FSTL4: variants seen among roughly 807,000 people sequenced by gnomAD.
The protein encoded by FSTL4 is follistatin like 4.
A neutral mutation model predicts 78.2 loss-of-function variants in FSTL4; 28 were observed. That is an observed-to-expected ratio of 0.36 (90% CI 0.27 to 0.49). FSTL4 has a LOEUF of 0.49. FSTL4 is among the 20% of genes least tolerant of loss of function. The probability of loss-of-function intolerance (pLI) is 0.98; values close to 1 mark genes in which losing one functional copy is unlikely to be tolerated. For missense variants in FSTL4, 922 were observed against 1,084.9 expected, an observed-to-expected ratio of 0.85 and a Z score of 2.11; for synonymous variants, 422 against 440.5, an observed-to-expected ratio of 0.96 and a Z score of 0.53.
the FSTL4 span, among the ~76,000 whole-genome samples, chr5:133,802,556 A>G: frequency 2.0e-5 from 3 of 152,206 alleles, no homozygotes; most frequent in African/African-American, 7.2e-5. Flanking sequence ...CAGAGCTGGG[A>G]AAGGGCCTGG....
intron 4 of FSTL4, among the ~76,000 whole-genome samples, chr5:133,384,547 A>G (rs1479762272): frequency 2.0e-5 from 3 of 152,120 alleles, no homozygotes; most frequent in African/African-American, 7.2e-5. Context: ...AATTTTCACA[A>G]TCAGTGCCTG....
the FSTL4 span, among the ~76,000 whole-genome samples, chr5:133,801,461 G>A: frequency 6.6e-6 from 1 of 152,082 alleles, no homozygotes; most frequent in African/African-American, 2.4e-5. Flanking sequence ...AGACCAGTTG[G>A]CTTTACCTCT....
At chr5:133,252,987 A>G (rs192203702) in intron 6 of FSTL4, among the ~76,000 whole-genome samples, 56 of 152,344 alleles carry the variant, frequency 3.7e-4, no homozygotes, top group Admixed American at 3.3e-3. Flanking sequence ...TGATAGAACC[A>G]TCGTAGTTCT....
intron 6 of FSTL4, chr5:133,312,377 G>A: frequency 4.8e-6 from 2 of 417,718 alleles, no homozygotes; most frequent in Non-Finnish European, 8.6e-6. Flanking sequence ...TGTTCACAGT[G>A]CCCTCACAGC....
At chr5:133,517,731 C>T (rs1758894557) in intron 3 of FSTL4, among the ~76,000 whole-genome samples, 1 of 151,306 alleles carries the variant, frequency 6.6e-6, no homozygotes, top group Non-Finnish European at 1.5e-5. Context: ...GGTAGGCTGG[C>T]AGGCTAAAGT....
chr5:133,704,541 C>T, the FSTL4 span, among the ~76,000 whole-genome samples: 3,043 of 152,314 alleles, frequency 0.02, 57 homozygotes, highest in Non-Finnish European at 0.03. Context: ...CAAAGGGGCT[C>T]AAAGGCACCG....
At chr5:133,445,564 T>C (rs996454075) in intron 3 of FSTL4, among the ~76,000 whole-genome samples, 9 of 152,186 alleles carry the variant, frequency 5.9e-5, no homozygotes, top group Non-Finnish European at 1.0e-4. Flanking sequence ...CCAAGGATCC[T>C]TGTGGAACCT....
chr5:133,303,000 C>T (rs996870044), intron 6 of FSTL4, among the ~76,000 whole-genome samples: 3 of 152,214 alleles, frequency 2.0e-5, no homozygotes, highest in African/African-American at 2.4e-5. Flanking sequence ...CTTGTCCTCC[C>T]GCTGGAACAA....
At chr5:133,632,782 G>C in the FSTL4 span, among the ~76,000 whole-genome samples, 1 of 151,878 alleles carries the variant, frequency 6.6e-6, no homozygotes, top group African/African-American at 2.4e-5. Context: ...ACCTCCTGGG[G>C]CTTAAGCAAT....
intron 3 of FSTL4, among the ~76,000 whole-genome samples, chr5:133,475,278 T>C (rs1322262131): frequency 6.6e-6 from 1 of 152,218 alleles, no homozygotes; most frequent in East Asian, 1.9e-4. Context: ...AAAATGTCAT[T>C]TATAATTTAA....
chr5:133,327,135 A>G (rs1445439934), intron 4 of FSTL4, among the ~76,000 whole-genome samples: 2 of 152,224 alleles, frequency 1.3e-5, no homozygotes, highest in Non-Finnish European at 2.9e-5. Context: ...TTTCAACCAC[A>G]TAACACCAGG....
the FSTL4 span, among the ~76,000 whole-genome samples, chr5:133,815,577 T>C: frequency 1.3e-5 from 2 of 152,192 alleles, no homozygotes; most frequent in Non-Finnish European, 2.9e-5. Context: ...TGTGCCAGGG[T>C]TCGCACACTG....
the FSTL4 span, among the ~76,000 whole-genome samples, chr5:133,741,867 C>T: frequency 6.6e-6 from 1 of 152,190 alleles, no homozygotes; most frequent in African/African-American, 2.4e-5. Context: ...GGAGATGTTT[C>T]TATCCTCAAG....
chr5:133,800,338 G>T, the FSTL4 span, among the ~76,000 whole-genome samples: 96 of 137,990 alleles, frequency 7.0e-4, 16 homozygotes, highest in African/African-American at 2.4e-3. Context: ...TTAGGGCAGG[G>T]GTATCCAATC....
the FSTL4 span, among the ~76,000 whole-genome samples, chr5:133,806,059 A>C: frequency 6.6e-6 from 1 of 152,024 alleles, no homozygotes; most frequent in South Asian, 2.1e-4. Flanking sequence ...CTTTTCTTTT[A>C]TTTTCTATTC....
intron 7 of FSTL4, among the ~76,000 whole-genome samples, chr5:133,237,363 T>A (rs1462003123): frequency 6.6e-6 from 1 of 152,112 alleles, no homozygotes; most frequent in Non-Finnish European, 1.5e-5. Context: ...TCCAACACAG[T>A]CATTTAACCT....
intron 3 of FSTL4, among the ~76,000 whole-genome samples, chr5:133,565,377 G>A (rs546299561): frequency 2.3e-4 from 35 of 152,208 alleles, no homozygotes; most frequent in Non-Finnish European, 4.0e-4. Flanking sequence ...AGAACCAGCC[G>A]GCAAGGTCCC....
intron 3 of FSTL4, among the ~76,000 whole-genome samples, chr5:133,422,648 G>A (rs1438147919): frequency 1.3e-5 from 2 of 152,156 alleles, no homozygotes; most frequent in East Asian, 1.9e-4. Flanking sequence ...GGAGGGAGGT[G>A]TCCCTGGAGA....
chr5:133,832,012 T>C, the FSTL4 span, among the ~76,000 whole-genome samples: 1 of 152,194 alleles, frequency 6.6e-6, no homozygotes, highest in African/African-American at 2.4e-5. Context: ...ATGAGAGGGT[T>C]CTAAATCCAG....
Sources: allele counts gnomAD v4.1 joint callset (sites outside exome capture counted in the v4.1 genomes callset), GRCh38; gene constraint gnomAD v4.1.1; transcripts MANE v1.5; gene names NCBI Gene and HGNC (gene_info 2026-07-23, HGNC 2026-07-21).